The following SYNPR variants were observed in gnomAD, a reference collection of about 807,000 sequenced individuals.
The protein encoded by SYNPR is synaptoporin.
A neutral mutation model predicts 32.9 loss-of-function variants in SYNPR; 23 were observed. The ratio of observed to expected loss-of-function variants is 0.70; its 90% CI spans 0.50 to 0.99. SYNPR has a LOEUF of 0.99. SYNPR is among the 50% of genes least tolerant of loss of function. The pLI is 0.00. For missense variants in SYNPR, 318 were observed against 349.3 expected (o/e 0.91, Z 0.71); for synonymous variants, 146 against 135.9 (o/e 1.07, Z -0.52).
chr3:63,527,988 G>A (rs1702046143), intron 3 of SYNPR, among the ~76,000 whole-genome samples: 1 of 152,112 alleles, frequency 6.6e-6, no homozygotes, highest in African/African-American at 2.4e-5. Flanking sequence ...AATGCATAGA[G>A]AAATGAACCT....
chr3:63,464,616 G>A (rs1700645181), intron 2 of SYNPR, among the ~76,000 whole-genome samples: 1 of 152,104 alleles, frequency 6.6e-6, no homozygotes, highest in East Asian at 1.9e-4. Flanking sequence ...CTTAGAGAAA[G>A]AATTATCTCT....
In SYNPR at chr3:63,616,781, G is replaced by A. The variant is rs137984718; in HGVS notation, c.*1300G>A. On this transcript the variant is annotated 3_prime_UTR_variant, in exon 6 of 6. Transcript: ENST00000478300. ...AAAGTTGTTATTGATGTATAAACTC[G>A]TTGCGTGATTAGTGATGTTGGAAGC... 131 of 152,730 alleles carry A rather than the reference G, an allele frequency of 8.6e-4. 1 individual carries two copies. The highest frequency in any genetic ancestry group is 3.4e-3 in the Middle Eastern group (1 of 294). 9.5% of individuals were successfully genotyped at this position (152,730 alleles called of 1,614,324 possible).
intron 2 of SYNPR, among the ~76,000 whole-genome samples, chr3:63,471,344 C>G (rs907427035): frequency 1.3e-5 from 2 of 152,184 alleles, no homozygotes; most frequent in African/African-American, 4.8e-5. Context: ...CCAGGGACAA[C>G]TTGCAGTTTT....
At chr3:63,291,104 G>T (rs192300969) in intron 2 of SYNPR, among the ~76,000 whole-genome samples, 19 of 152,280 alleles carry the variant, frequency 1.2e-4, no homozygotes, top group Admixed American at 9.8e-4. Context: ...TTGTGATTTA[G>T]AATGTACTGG....
intron 2 of SYNPR, among the ~76,000 whole-genome samples, chr3:63,386,628 C>G (rs568634359): frequency 6.6e-6 from 1 of 152,018 alleles, no homozygotes; most frequent in African/African-American, 2.4e-5. Flanking sequence ...TCCTTCCTTC[C>G]TTTCTTTATT....
chr3:63,520,773 T>C (rs746738944), intron 3 of SYNPR, among the ~76,000 whole-genome samples: 1 of 151,986 alleles, frequency 6.6e-6, no homozygotes, highest in Non-Finnish European at 1.5e-5. Flanking sequence ...AGAATTTGAA[T>C]CCAAGTCATG....
chr3:63,258,401 C>G (rs1207386885), intron 2 of SYNPR, among the ~76,000 whole-genome samples: 1 of 152,192 alleles, frequency 6.6e-6, no homozygotes, highest in Non-Finnish European at 1.5e-5. Flanking sequence ...CAAACTAGAA[C>G]TCAGGATTAA....
intron 2 of SYNPR, among the ~76,000 whole-genome samples, chr3:63,407,046 G>A (rs552367484): frequency 1.3e-5 from 2 of 152,260 alleles, no homozygotes; most frequent in South Asian, 4.1e-4. Flanking sequence ...ATAATTGGAG[G>A]ATTGAAAATA....
chr3:63,521,038 G>A (rs1390501025), intron 3 of SYNPR, among the ~76,000 whole-genome samples: 2 of 152,308 alleles, frequency 1.3e-5, no homozygotes, highest in East Asian at 1.9e-4. Flanking sequence ...TAGAAGGAAA[G>A]GGATATGTAG....
At position 63,513,627 on chromosome 3, in the gene SYNPR, T is replaced by G. The variant is rs569325884; in HGVS notation, c.209+32671T>G. On this transcript the variant is annotated intron_variant, in intron 3 of 5. Coordinates refer to ENST00000478300, the MANE Select transcript of SYNPR (RefSeq NM_001130003.2). ...AACCTTTATTATTTATTGTTCAACATAGGTAATTTGAGGGAGAATAGAGCC... is the reference window on the plus strand; with the variant it reads ...AACCTTTATTATTTATTGTTCAACAGAGGTAATTTGAGGGAGAATAGAGCC... 9.9e-5 allele frequency among the ~76,000 whole-genome samples: 15 copies of G among 152,212 alleles called. 2 individuals are homozygous for G. Among genetic ancestry groups the G allele is most frequent in the African/African-American group, 3.4e-4 (14 of 41,558 alleles).
At chr3:63,252,754 A>G (rs1401050012) in intron 2 of SYNPR, among the ~76,000 whole-genome samples, 2 of 152,166 alleles carry the variant, frequency 1.3e-5, no homozygotes, top group Non-Finnish European at 2.9e-5. Flanking sequence ...GAATGGTTCC[A>G]TTCAGGCTGG....
At chr3:63,520,103 T>C (rs1487335071) in intron 3 of SYNPR, among the ~76,000 whole-genome samples, 1 of 152,258 alleles carries the variant, frequency 6.6e-6, no homozygotes, top group Non-Finnish European at 1.5e-5. Flanking sequence ...GGTCATTAAA[T>C]ATTCTTTACA....
intron 2 of SYNPR, among the ~76,000 whole-genome samples, chr3:63,381,111 T>C (rs1412099510): frequency 2.6e-5 from 4 of 152,172 alleles, no homozygotes; most frequent in Non-Finnish European, 4.4e-5. Context: ...GGAAGTCAAA[T>C]TGTACCTGTT....
intron 2 of SYNPR, among the ~76,000 whole-genome samples, chr3:63,427,775 G>T (rs1429592844): frequency 3.9e-5 from 6 of 152,218 alleles, no homozygotes. Context: ...CTCTGGATAT[G>T]TGGCTTGAGA....
intron 2 of SYNPR, among the ~76,000 whole-genome samples, chr3:63,262,327 G>T (rs2086446190): frequency 6.6e-6 from 1 of 152,166 alleles, no homozygotes; most frequent in African/African-American, 2.4e-5. Context: ...CTGGTTGGTT[G>T]GTCATGCAAG....
intron 4 of SYNPR, among the ~76,000 whole-genome samples, chr3:63,559,671 T>TA (rs71631163): frequency 0.17 from 26,423 of 151,034 alleles, 2,287 homozygotes; most frequent in Non-Finnish European, 0.19. Context: ...AAAAAAAGAG[T>TA]AACAAAACAG....
At chr3:63,203,156 T>C in the SYNPR span, 1 of 146,246 alleles carries the variant, frequency 6.8e-6, no homozygotes, top group Non-Finnish European at 1.5e-5. Context: ...ATACCAGTGT[T>C]GGGGGTGAGG....
intron 2 of SYNPR, among the ~76,000 whole-genome samples, chr3:63,420,716 A>G (rs559389045): frequency 6.6e-6 from 1 of 152,288 alleles, no homozygotes; most frequent in South Asian, 2.1e-4. Context: ...AAATTTTTAT[A>G]TGACGAAGGA....
chr3:63,385,458 CATTTT>C (rs1189073961), intron 2 of SYNPR, among the ~76,000 whole-genome samples: 1 of 152,210 alleles, frequency 6.6e-6, no homozygotes, highest in African/African-American at 2.4e-5. Flanking sequence ...TATCACCTCT[CATTTT>C]AAGTATGTGC....
Sources: gnomAD v4.1 joint callset for allele counts (sites outside exome capture counted in the v4.1 genomes callset) on GRCh38, gnomAD v4.1.1 for gene constraint, MANE v1.5 for transcripts, NCBI Gene and HGNC (gene_info 2026-07-23, HGNC 2026-07-21) for gene names.